Variants in CHKA observed in about 807,000 individuals in gnomAD.
CHKA encodes the protein choline kinase alpha, also known as CHETK-alpha.
In CHKA, 34 loss-of-function variants were observed where a neutral mutation model predicts 60.1. The observed-to-expected ratio is 0.57, with a 90% CI of 0.43 to 0.75. The LOEUF (loss-of-function observed/expected upper bound fraction) is 0.75, where lower values mean the gene tolerates loss of function less well. Among genes scored for constraint, CHKA ranks in the 30% least tolerant of loss-of-function variants. CHKA has a pLI of 0.00. For missense variants in CHKA, 563 were observed against 561.3 expected, an observed-to-expected ratio of 1.00 and a Z score of -0.03; for synonymous variants, 217 against 223.1, an observed-to-expected ratio of 0.97 and a Z score of 0.24.
intron 3 of CHKA, 112 bp downstream of exon 3, chr11:68,081,292 A>G: frequency 1.3e-6 from 1 of 780,226 alleles, no homozygotes; most frequent in Non-Finnish European, 2.1e-6. Flanking sequence ...GTAGAAAGAT[A>G]GATCAGGATT....
chr11:68,101,438 A>G (rs1436239356), intron 1 of CHKA, among the ~76,000 whole-genome samples: 1 of 152,196 alleles, frequency 6.6e-6, no homozygotes, highest in African/African-American at 2.4e-5. Flanking sequence ...CCAAAAAACT[A>G]TGAGAACTAA....
intron 10 of CHKA, among the ~76,000 whole-genome samples, chr11:68,063,133 T>G (rs1856309614): frequency 6.6e-6 from 1 of 152,156 alleles, no homozygotes; most frequent in Non-Finnish European, 1.5e-5. Context: ...AACATAAGTT[T>G]AATCATTTTC....
rs1855862262 is a variant in CHKA at position 68,053,189 on chromosome 11, A to C, written c.*799T>G. The C allele has an allele frequency of 6.4e-6, 1 of 157,324 alleles. No individual in the cohort carries two copies. Among genetic ancestry groups the C allele is most frequent in the Non-Finnish European group, 1.4e-5 (1 of 70,744 alleles). The allele number at this position is 157,324 out of a possible 1,614,324, so 9.7% of individuals were successfully genotyped here. On this transcript the variant is annotated 3_prime_UTR_variant, in exon 12 of 12. Transcript: ENST00000265689. ...GCAGAGCAGAGGGCAGGAGAGGCCCAAAGAGCTAGGTCAAGCAGCTGGCTC... is the reference window on the plus strand; with the variant it reads ...GCAGAGCAGAGGGCAGGAGAGGCCCCAAGAGCTAGGTCAAGCAGCTGGCTC...
chr11:68,107,517 G>T (rs140273698), intron 1 of CHKA, among the ~76,000 whole-genome samples: 1 of 151,586 alleles, frequency 6.6e-6, no homozygotes, highest in East Asian at 1.9e-4. Context: ...AATCTTCCTC[G>T]TTTCCAATGG....
intron 1 of CHKA, among the ~76,000 whole-genome samples, chr11:68,112,247 CTTTT>C (rs1354294478): frequency 1.3e-5 from 2 of 150,888 alleles, no homozygotes; most frequent in Middle Eastern, 3.4e-3. Context: ...ATGGTGATTG[CTTTT>C]ATTTATTTAT....
At position 68,065,866 on chromosome 11, in the gene CHKA, C is replaced by G. The variant is rs1856425194; in HGVS notation, c.1045G>C (p.Glu349Gln). Residue 349 changes from glutamate to glutamine, a missense_variant, in exon 9 of 12, where the codon GAG becomes CAG. Coordinates refer to ENST00000265689, the MANE Select transcript of CHKA (RefSeq NM_001277.3). ...RGFDIGNHFCEWMYDYSYEKY... is the reference protein window; with the variant it reads ...RGFDIGNHFCQWMYDYSYEKY... ...TCATAGCTATAATCATACATCCACT[C>G]ACAGAAGTGATTTCCAATGTCGAAT... The G allele has an allele frequency of 6.2e-7, 1 of 1,601,938 alleles. No homozygotes were observed. The highest frequency in any genetic ancestry group is 1.3e-5 in the African/African-American group (1 of 74,730).
At chr11:68,055,972 C>G (rs1320538311) in intron 11 of CHKA, among the ~76,000 whole-genome samples, 1 of 152,016 alleles carries the variant, frequency 6.6e-6, no homozygotes, top group African/African-American at 2.4e-5. Context: ...CGTTTGAACC[C>G]AGAAGGCAGA....
At chr11:68,078,308 G>GT (rs1856857162) in intron 3 of CHKA, among the ~76,000 whole-genome samples, 1 of 152,178 alleles carries the variant, frequency 6.6e-6, no homozygotes, top group Non-Finnish European at 1.5e-5. Context: ...TGAAAAACTG[G>GT]TTTAAGTTCA....
chr11:68,069,155 C>T (rs1856536543), intron 6 of CHKA, among the ~76,000 whole-genome samples: 1 of 152,122 alleles, frequency 6.6e-6, no homozygotes, highest in African/African-American at 2.4e-5. Flanking sequence ...TCTGCATGTG[C>T]CGCTCCCTCC....
At chr11:68,081,276 C>T in intron 3 of CHKA, 128 bp downstream of exon 3, 2 of 690,648 alleles carry the variant, frequency 2.9e-6, no homozygotes, top group Non-Finnish European at 5.0e-6. Context: ...CCAAGAGCCC[C>T]TCCTCGTAGA....
At chr11:68,107,152 T>A (rs927459392) in intron 1 of CHKA, among the ~76,000 whole-genome samples, 1 of 152,000 alleles carries the variant, frequency 6.6e-6, no homozygotes, top group African/African-American at 2.4e-5. Flanking sequence ...CTTGGGAGGC[T>A]TAGGCAGGAG....
chr11:68,096,276 A>C (rs1236008934), intron 2 of CHKA, among the ~76,000 whole-genome samples: 1 of 143,390 alleles, frequency 7.0e-6, no homozygotes, highest in Non-Finnish European at 1.5e-5. Flanking sequence ...CAGGAGAATC[A>C]CTTGAACCCG....
intron 2 of CHKA, among the ~76,000 whole-genome samples, chr11:68,084,414 A>T (rs551002220): frequency 7.3e-5 from 5 of 68,738 alleles, no homozygotes; most frequent in Non-Finnish European, 1.4e-4. Context: ...ATATATGTGT[A>T]TATATATATA....
chr11:68,079,057 C>T (rs1048105023), intron 3 of CHKA, among the ~76,000 whole-genome samples: 2 of 151,510 alleles, frequency 1.3e-5, no homozygotes, highest in Non-Finnish European at 1.5e-5. Flanking sequence ...CCTCAGCCTC[C>T]CGAGTAGCTA....
intron 2 of CHKA, among the ~76,000 whole-genome samples, chr11:68,086,583 T>C (rs752203586): frequency 1.6e-4 from 25 of 152,310 alleles, no homozygotes; most frequent in Middle Eastern, 3.4e-3. Context: ...AAAGCCCCAT[T>C]TGGGAGATGA....
intron 3 of CHKA, among the ~76,000 whole-genome samples, chr11:68,076,653 A>C (rs1856800207): frequency 6.6e-6 from 1 of 151,900 alleles, no homozygotes; most frequent in African/African-American, 2.4e-5. Context: ...TCGGAAGTTC[A>C]GCATTTTGCA....
chr11:68,117,109 A>G (rs1267001458), intron 1 of CHKA, among the ~76,000 whole-genome samples: 1 of 152,216 alleles, frequency 6.6e-6, no homozygotes, highest in Non-Finnish European at 1.5e-5. Flanking sequence ...AAGGGTTGTG[A>G]TAACAAGGCC....
At chr11:68,083,090 T>A (rs771309064) in intron 2 of CHKA, among the ~76,000 whole-genome samples, 2 of 152,190 alleles carry the variant, frequency 1.3e-5, no homozygotes, top group Admixed American at 1.3e-4. Flanking sequence ...AAATTCCTAA[T>A]GAATAGGGAC....
rs948386983 is a variant in CHKA, at chr11:68,097,998, G to A, written c.351-868C>T. Among the ~76,000 whole-genome samples the A allele has an allele frequency of 5.9e-5, 9 of 152,082 alleles. No individual in the cohort carries two copies. The South Asian group carries it at 1.5e-3, about 25-fold the overall frequency. ...TTAAAGACATTACAGGAGGTCGGGC[G>A]CAGTGGCTCATGCCTGTAATCCCAG... On this transcript the variant is annotated intron_variant, in intron 1 of 11. Coordinates refer to ENST00000265689, the MANE Select transcript of CHKA (RefSeq NM_001277.3).
Sources: gnomAD v4.1 joint callset for allele counts (sites outside exome capture counted in the v4.1 genomes callset) on GRCh38, gnomAD v4.1.1 for gene constraint, MANE v1.5 for transcripts, NCBI Gene and HGNC (gene_info 2026-07-23, HGNC 2026-07-21) for gene names.